Variants in RANBP10 observed in about 807,000 individuals in gnomAD.
RANBP10 encodes ran-binding protein 10.
In RANBP10, 24 loss-of-function variants were observed where a neutral mutation model predicts 72.8. The ratio of observed to expected loss-of-function variants is 0.33; its 90% CI spans 0.24 to 0.46. The LOEUF (loss-of-function observed/expected upper bound fraction) is 0.46, where lower values mean the gene tolerates loss of function less well. Among genes scored for constraint, RANBP10 ranks in the 20% least tolerant of loss-of-function variants. RANBP10 has a pLI of 1.00. For synonymous variants in RANBP10, 310 were observed against 322.3 expected (o/e 0.96, Z 0.41); for missense variants, 679 against 817.5 (o/e 0.83, Z 2.07).
chr16:67,806,181 G>T, intron 1 of RANBP10, 121 bp downstream of exon 1: 1 of 982,676 alleles, frequency 1.0e-6, no homozygotes, highest in Non-Finnish European at 1.5e-6. Flanking sequence ...ATCCTGAAAG[G>T]GCCAAGCCCT....
chr16:67,761,651 C>T (rs1597872326), intron 3 of RANBP10, among the ~76,000 whole-genome samples: 1 of 152,140 alleles, frequency 6.6e-6, no homozygotes, highest in Non-Finnish European at 1.5e-5. Context: ...CTCACTGCAA[C>T]CTCCACGTCC....
At chr16:67,733,257 T>C (rs1333138338) in intron 6 of RANBP10, among the ~76,000 whole-genome samples, 1 of 151,874 alleles carries the variant, frequency 6.6e-6, no homozygotes. Flanking sequence ...TCCCAGCTAC[T>C]CAGGAGACTG....
chr16:67,751,636 C>A (rs2054198723), intron 3 of RANBP10, among the ~76,000 whole-genome samples: 1 of 151,310 alleles, frequency 6.6e-6, no homozygotes, highest in Non-Finnish European at 1.5e-5. Context: ...AAAAAAAAGG[C>A]CAGGCTCAGT....
Position 67,781,747 on chromosome 16 carries a change from C to T in RANBP10, c.348-9661G>A, listed in dbSNP as rs1276345582. Among the ~76,000 whole-genome samples the T allele has an allele frequency of 3.3e-5, 5 of 152,152 alleles. No homozygotes were observed. In the East Asian group the frequency reaches 7.7e-4, roughly 23 times the overall value. On this transcript the variant is annotated intron_variant, in intron 2 of 13. Coordinates refer to ENST00000317506, the MANE Select transcript of RANBP10 (RefSeq NM_020850.3). The stretch of plus-strand genomic sequence containing the variant: ...AAAACCACAATGCAAGGTGGAGATA[C>T]GAGAACAGCTATTCTGCCCTATCTA...
intron 5 of RANBP10, among the ~76,000 whole-genome samples, chr16:67,737,148 T>G (rs997892250): frequency 2.0e-5 from 3 of 147,268 alleles, no homozygotes; most frequent in African/African-American, 7.4e-5. Flanking sequence ...CTTTTCTGTT[T>G]TTTTTTTTTT....
chr16:67,770,362 G>C (rs964088444), intron 3 of RANBP10, among the ~76,000 whole-genome samples: 1 of 151,686 alleles, frequency 6.6e-6, no homozygotes, highest in Non-Finnish European at 1.5e-5. Flanking sequence ...TCAATCAAAG[G>C]GGGAAAAAAG....
At chr16:67,799,518 A>G (rs969848578) in intron 2 of RANBP10, among the ~76,000 whole-genome samples, 1 of 151,740 alleles carries the variant, frequency 6.6e-6, no homozygotes. Flanking sequence ...CGATCTCCTT[A>G]CCTCGTGATC....
At chr16:67,751,793 G>A (rs1244616522) in intron 3 of RANBP10, among the ~76,000 whole-genome samples, 1 of 152,032 alleles carries the variant, frequency 6.6e-6, no homozygotes, top group Non-Finnish European at 1.5e-5. Flanking sequence ...GCGTGCTCCT[G>A]TAATCCCAGC....
Position 67,806,426 on chromosome 16 carries a change from C to T in RANBP10, c.111G>A (p.Arg37=), listed in dbSNP as rs747713305. ...CCGCGGGATACAGGCGCTGCAAGCG[C>T]CGGCTCAGCTCCTGCTCCCCAGGGG... The part of the protein sequence containing the change: ...LPSPGEQELS[R]RLQRLYPAVN... The change falls in exon 1 of 14, where the codon CGG becomes CGA. Residue 37 remains arginine (R), a synonymous_variant. Coordinates refer to ENST00000317506, the MANE Select transcript of RANBP10 (RefSeq NM_020850.3). 1.3e-5 allele frequency: 20 copies of T among 1,596,028 alleles called. No homozygotes were observed. The highest frequency in any genetic ancestry group is 2.2e-5 in the South Asian group (2 of 89,182).
chr16:67,788,255 A>G (rs558162862), intron 2 of RANBP10, among the ~76,000 whole-genome samples: 3 of 151,406 alleles, frequency 2.0e-5, no homozygotes, highest in East Asian at 2.0e-4. Context: ...GGCCTCTACA[A>G]ATTTTTTTTT....
chr16:67,770,641 G>A (rs760764354), intron 3 of RANBP10, among the ~76,000 whole-genome samples: 2 of 152,122 alleles, frequency 1.3e-5, no homozygotes, highest in Non-Finnish European at 2.9e-5. Context: ...TGATTCAAGG[G>A]ACCAATGGAC....
chr16:67,772,105 A>T lies in RANBP10; in HGVS notation c.348-19T>A. The T allele has an allele frequency of 6.3e-7, 1 of 1,593,596 alleles. No individual in the cohort carries two copies. Among genetic ancestry groups the T allele is most frequent in the South Asian group, 1.2e-5 (1 of 85,920 alleles). ...CATGTAACTTCAAAAAAAAAAAAAAAAAAAACACAAAATTTTTGGTTAGCA... is the reference window on the plus strand; with the variant it reads ...CATGTAACTTCAAAAAAAAAAAAAATAAAAACACAAAATTTTTGGTTAGCA... On this transcript the variant is annotated intron_variant, in intron 2 of 13. Coordinates refer to ENST00000317506, the MANE Select transcript of RANBP10 (RefSeq NM_020850.3).
intron 6 of RANBP10, 123 bp downstream of exon 6, chr16:67,734,735 A>C: frequency 1.9e-6 from 2 of 1,052,934 alleles, no homozygotes; most frequent in Non-Finnish European, 2.6e-6. Context: ...GGCCCTGGGA[A>C]TGCTTCCCAG....
chr16:67,750,610 A>G (rs935054695), intron 3 of RANBP10, among the ~76,000 whole-genome samples: 7 of 152,172 alleles, frequency 4.6e-5, no homozygotes, highest in Non-Finnish European at 7.4e-5. Flanking sequence ...GCACAAGCAC[A>G]TATGTGTGTT....
At chr16:67,787,632 C>T (rs1186301732) in intron 2 of RANBP10, among the ~76,000 whole-genome samples, 6 of 152,110 alleles carry the variant, frequency 3.9e-5, no homozygotes, top group Non-Finnish European at 8.8e-5. Flanking sequence ...ACCTAAGCGT[C>T]CATCAACAGA....
chr16:67,735,072 C>G (rs377020367), intron 5 of RANBP10, 30 bp from the exon 6 acceptor site: 22 of 1,554,438 alleles, frequency 1.4e-5, no homozygotes, highest in Non-Finnish European at 1.8e-5. Context: ...GTCAGTCAGG[C>G]CCTGAGGGCA....
In RANBP10 at chr16:67,731,577, A is replaced by T. The variant is rs755836715; in HGVS notation, c.784T>A (p.Ser262Thr). Residue 262 changes from serine (S) to threonine (T), a missense_variant, in exon 7 of 14, where the codon TCA becomes ACA. By Grantham distance (58) the Ser-to-Thr change is moderately conservative (BLOSUM62 1). Transcript: ENST00000317506. ...TACCCATGATGCACGAGGTAAGATG[A>T]AACCATGCTAGAAGAAAGGAAGAGC... ...EWQAVLQNMV[S>T]SYLVHHGYCA... 5 of 1,613,078 alleles carry T rather than the reference A, an allele frequency of 3.1e-6. No homozygotes were observed. The Admixed American group carries it at 8.3e-5, about 27-fold the overall frequency.
intron 4 of RANBP10, among the ~76,000 whole-genome samples, chr16:67,743,836 C>A (rs2054015600): frequency 6.6e-6 from 1 of 152,188 alleles, no homozygotes; most frequent in Admixed American, 6.5e-5. Flanking sequence ...CAAGAACAGA[C>A]CAGAGGTCTG....
At chr16:67,752,835 A>C (rs750651167) in intron 3 of RANBP10, among the ~76,000 whole-genome samples, 2 of 152,160 alleles carry the variant, frequency 1.3e-5, no homozygotes, top group Non-Finnish European at 2.9e-5. Flanking sequence ...GGCCTGCCCC[A>C]GGGAGTTTGC....
Sources: allele counts gnomAD v4.1 joint callset (sites outside exome capture counted in the v4.1 genomes callset), GRCh38; gene constraint gnomAD v4.1.1; transcripts MANE v1.5; gene names NCBI Gene and HGNC (gene_info 2026-07-23, HGNC 2026-07-21).